The following DGKH variants were observed in gnomAD, a reference collection of about 807,000 sequenced individuals.
DGKH encodes the protein DAG kinase eta.
DGKH carries 90 observed loss-of-function variants against 159.3 expected under a neutral mutation model. That is an observed-to-expected ratio of 0.57 (90% CI 0.48 to 0.67). DGKH has a LOEUF of 0.67. Ranked by LOEUF, DGKH falls within the 30% of genes least tolerant of loss-of-function variation. The probability of loss-of-function intolerance (pLI) is 0.00; values close to 1 mark genes in which losing one functional copy is unlikely to be tolerated. For synonymous variants in DGKH, 536 were observed against 553.8 expected, an observed-to-expected ratio of 0.97 and a Z score of 0.45; for missense variants, 1,181 against 1,506.1, an observed-to-expected ratio of 0.78 and a Z score of 3.57.
At chr13:42,190,202 TA>T (rs1957027453) in intron 15 of DGKH, among the ~76,000 whole-genome samples, 200 bp from the exon 16 acceptor site, 1 of 152,344 alleles carries the variant, frequency 6.6e-6, no homozygotes, top group African/African-American at 2.4e-5. Flanking sequence ...TTTATTCTGA[TA>T]AAAATATAAT....
chr13:42,137,310 G>C (rs929752385), intron 3 of DGKH, among the ~76,000 whole-genome samples: 2 of 152,174 alleles, frequency 1.3e-5, no homozygotes, highest in African/African-American at 4.8e-5. Context: ...CAAGTAAGTT[G>C]CCTACCTTAT....
Position 42,231,048 on chromosome 13 carries a change from T to C in DGKH, c.*1860T>C, listed in dbSNP as rs1439764782. 2 of 152,164 alleles carry C rather than the reference T, an allele frequency of 1.3e-5. No homozygotes were observed. Among genetic ancestry groups the C allele is most frequent in the Non-Finnish European group, 2.9e-5 (2 of 68,024 alleles). 9.4% of individuals were successfully genotyped at this position (152,164 alleles called of 1,614,324 possible). ...AATGGAAATTTTCCAAAGACAGTTA[T>C]ATCAAGTAGTTTAAAAAGTCATGAG... On this transcript the variant is annotated 3_prime_UTR_variant, in exon 30 of 30. Coordinates refer to ENST00000337343, the MANE Select transcript of DGKH (RefSeq NM_178009.5).
At chr13:42,128,548 T>C (rs1955218709) in intron 2 of DGKH, among the ~76,000 whole-genome samples, 1 of 152,174 alleles carries the variant, frequency 6.6e-6, no homozygotes, top group Non-Finnish European at 1.5e-5. Flanking sequence ...CATGCTACCA[T>C]CACTAGGATG....
At chr13:42,126,813 T>C (rs1955180090) in intron 1 of DGKH, among the ~76,000 whole-genome samples, 1 of 152,202 alleles carries the variant, frequency 6.6e-6, no homozygotes, top group Non-Finnish European at 1.5e-5. Flanking sequence ...GGAACATTGC[T>C]TTGACTCCCT....
chr13:42,106,614 T>C (rs1954762684), intron 1 of DGKH, among the ~76,000 whole-genome samples: 1 of 152,200 alleles, frequency 6.6e-6, no homozygotes, highest in Non-Finnish European at 1.5e-5. Context: ...ATTTGGATGC[T>C]GGAATGACTT....
chr13:42,183,441 C>T (rs1489368118), intron 13 of DGKH, among the ~76,000 whole-genome samples: 1 of 152,168 alleles, frequency 6.6e-6, no homozygotes, highest in Non-Finnish European at 1.5e-5. Context: ...CACACAGACA[C>T]ACATACACAC....
intron 1 of DGKH, among the ~76,000 whole-genome samples, chr13:42,074,652 A>G (rs768903660): frequency 4.5e-4 from 19 of 41,904 alleles, no homozygotes; most frequent in Non-Finnish European, 6.8e-4. Context: ...CTATCCGTCC[A>G]TCCATCCATC....
intron 11 of DGKH, among the ~76,000 whole-genome samples, chr13:42,171,828 C>CTTTTT (rs541194131): frequency 4.5e-4 from 46 of 102,418 alleles, no homozygotes; most frequent in East Asian, 3.4e-3. Context: ...ATATAAATTT[C>CTTTTT]TTTTTTTTTT....
At position 42,198,581 on chromosome 13, in the gene DGKH, G is replaced by T. The variant is rs9533031; in HGVS notation, c.2271G>T (p.Pro757=). The part of the protein sequence containing the change: ...DPFGATPFID[P]DLDSVDGYSE... ...TTGGTGCCACGCCGTTTATTGACCCGGATCTAGATTCCGTGTAAGAAAATG... is the reference window on the plus strand; with the variant it reads ...TTGGTGCCACGCCGTTTATTGACCCTGATCTAGATTCCGTGTAAGAAAATG... Residue 757 remains proline, a synonymous_variant, in exon 18 of 30, where the codon CCG becomes CCT. Transcript: ENST00000337343. 858,264 of 1,610,568 alleles carry T rather than the reference G, an allele frequency of 0.53. 234,807 individuals carry two copies. Among genetic ancestry groups the T allele is most frequent in the Non-Finnish European group, 0.58 (678,279 of 1,178,400 alleles).
intron 1 of DGKH, among the ~76,000 whole-genome samples, chr13:42,110,587 A>ATCTTTCATTCATTCATTCATTCAT (rs1555262054): frequency 6.6e-6 from 1 of 150,880 alleles, no homozygotes; most frequent in Non-Finnish European, 1.5e-5. Context: ...TTGAAGGATA[A>ATCTTTCATTCATTCATTCATTCAT]TCATTCATTC....
downstream of DGKH, among the ~76,000 whole-genome samples, chr13:42,247,232 T>A (rs1594271852): frequency 7.4e-6 from 1 of 134,244 alleles, no homozygotes; most frequent in East Asian, 2.0e-4. Flanking sequence ...ATGTATACTT[T>A]TTTTTTTTTT....
chr13:42,191,099 G>T (rs1049263302), intron 16 of DGKH, among the ~76,000 whole-genome samples: 3 of 152,168 alleles, frequency 2.0e-5, no homozygotes, highest in African/African-American at 7.2e-5. Flanking sequence ...ATATGTAATT[G>T]CTTGAAGAAT....
At chr13:42,190,310 C>A in intron 15 of DGKH, 93 bp from the exon 16 acceptor site, 1 of 1,447,406 alleles carries the variant, frequency 6.9e-7, no homozygotes, top group Non-Finnish European at 9.2e-7. Context: ...TTTTGTTTGG[C>A]ATATGTTTCA....
At chr13:42,152,004 T>C (rs2137938848) in intron 3 of DGKH, among the ~76,000 whole-genome samples, 1 of 152,294 alleles carries the variant, frequency 6.6e-6, no homozygotes. Flanking sequence ...TGTCTCATTG[T>C]GGTTTTAGTT....
At chr13:42,051,912 A>C (rs894424277) in intron 1 of DGKH, among the ~76,000 whole-genome samples, 2 of 151,988 alleles carry the variant, frequency 1.3e-5, no homozygotes, top group African/African-American at 4.8e-5. Flanking sequence ...TGATCTGCCC[A>C]CCTTGGCTTC....
intron 1 of DGKH, among the ~76,000 whole-genome samples, chr13:42,107,500 A>C (rs181311661): frequency 6.6e-6 from 1 of 152,340 alleles, no homozygotes; most frequent in East Asian, 1.9e-4. Context: ...TGAGCAGGGA[A>C]GTGACCAGAT....
chr13:42,209,264 C>T, intron 22 of DGKH, 67 bp from the exon 23 acceptor site: 1 of 1,551,008 alleles, frequency 6.4e-7, no homozygotes, highest in Non-Finnish European at 8.7e-7. Context: ...ATACTCAAGC[C>T]TTCATAAAGA....
Position 42,219,674 on chromosome 13 carries a change from C to A in DGKH, c.3334-12C>A, listed in dbSNP as rs771007822. On this transcript the variant is annotated splice_polypyrimidine_tract_variant and intron_variant, in intron 27 of 29. Coordinates refer to ENST00000337343, the MANE Select transcript of DGKH (RefSeq NM_178009.5). Reference sequence around the variant, plus strand: ...ATCCTGAAAAAATTATTTTCTTGCTCGATTTGAACAGGAACCTCCTATGGA... The same window carrying A: ...ATCCTGAAAAAATTATTTTCTTGCTAGATTTGAACAGGAACCTCCTATGGA... 1.0e-5 allele frequency: 16 copies of A among 1,605,490 alleles called. No individual in the cohort carries two copies. The highest frequency in any genetic ancestry group is 1.7e-6 in the Non-Finnish European group (2 of 1,176,728).
Position 42,048,783 on chromosome 13 carries a change from GC to G in DGKH, c.12del (p.Gly5GlufsTer47). On this transcript the variant is annotated frameshift_variant, in exon 1 of 30. Transcript: ENST00000337343. LOFTEE classifies it high-confidence loss of function. The surrounding 1 kb of genome is among the most constrained non-coding windows in gnomAD (Gnocchi z 6.7). The stretch of plus-strand genomic sequence containing the variant: ...GCAGGAGTCGGAGAGGATGGCAGGG[GC>G]CGGAGGCCAGCACCACCCTCCGGGC... MAG[A>X]GGQHHPPGAA... is the part of the protein sequence containing the mutation. 3 of 1,304,116 alleles carry G rather than the reference GC, an allele frequency of 2.3e-6. No individual in the cohort carries two copies. The highest frequency in any genetic ancestry group is 2.9e-6 in the Non-Finnish European group (3 of 1,021,792). 80.8% of individuals were successfully genotyped at this position (1,304,116 alleles called of 1,614,324 possible). A position where few individuals can be genotyped will look rare whatever the true frequency, so the allele number is the denominator to read the frequency against.
Sources: gnomAD v4.1 joint callset for allele counts (sites outside exome capture counted in the v4.1 genomes callset) on GRCh38, gnomAD v4.1.1 for gene constraint, Gnocchi (gnomAD v3.1) non-coding constraint, MANE v1.5 for transcripts, NCBI Gene and HGNC (gene_info 2026-07-23, HGNC 2026-07-21) for gene names.